Variants in RASIP1 observed in about 807,000 individuals in gnomAD.
RASIP1 encodes Ras interacting protein 1.
A neutral mutation model predicts 85.3 loss-of-function variants in RASIP1; 20 were observed. The ratio of observed to expected loss-of-function variants is 0.23; its 90% CI spans 0.17 to 0.34. The LOEUF (loss-of-function observed/expected upper bound fraction) is 0.34, where lower values mean the gene tolerates loss of function less well. Ranked by LOEUF, RASIP1 falls within the 10% of genes least tolerant of loss-of-function variation. RASIP1 has a pLI of 1.00. For missense variants in RASIP1, 1,170 were observed against 1,390.9 expected, an observed-to-expected ratio of 0.84 and a Z score of 2.53; for synonymous variants, 617 against 647.1, an observed-to-expected ratio of 0.95 and a Z score of 0.71.
chr19:48,734,716 A>G (rs886863956), intron 4 of RASIP1, among the ~76,000 whole-genome samples: 10 of 151,966 alleles, frequency 6.6e-5, no homozygotes, highest in Non-Finnish European at 1.3e-4. Flanking sequence ...TGAACTCCCA[A>G]CCTCAGGTGA....
intron 3 of RASIP1, among the ~76,000 whole-genome samples, chr19:48,737,193 C>T (rs1467090110): frequency 6.6e-6 from 1 of 152,162 alleles, no homozygotes; most frequent in Non-Finnish European, 1.5e-5. Context: ...GTGCTAGGCC[C>T]TTTATATACA....
At chr19:48,737,718 A>G (rs2033598475) in intron 3 of RASIP1, 1 of 984,918 alleles carries the variant, frequency 1.0e-6, no homozygotes, top group East Asian at 1.1e-4. Context: ...GCTGCCTCCT[A>G]CCACAGAGAC....
chr19:48,730,186 A>G (rs1290412496), intron 4 of RASIP1, among the ~76,000 whole-genome samples: 1 of 146,012 alleles, frequency 6.8e-6, no homozygotes, highest in Non-Finnish European at 1.5e-5. Context: ...TTTTTCTTTG[A>G]GACAGAGTCA....
At chr19:48,721,280 T>C (rs1452905689) in intron 11 of RASIP1, among the ~76,000 whole-genome samples, 1 of 151,320 alleles carries the variant, frequency 6.6e-6, no homozygotes, top group Non-Finnish European at 1.5e-5. Context: ...AGGAGTCAAG[T>C]TCAGGGGAGT....
chr19:48,732,209 G>A (rs2033471612), intron 4 of RASIP1, among the ~76,000 whole-genome samples: 1 of 151,022 alleles, frequency 6.6e-6, no homozygotes, highest in Middle Eastern at 3.2e-3. Flanking sequence ...CAAGTAGCTA[G>A]AATGACAGGC....
rs543075932 is a variant in RASIP1, at chr19:48,733,533, C to T, written c.1179+1663G>A. Among the ~76,000 whole-genome samples the T allele has an allele frequency of 2.0e-4, 30 of 151,998 alleles. 1 individual carries two copies. The highest frequency in any genetic ancestry group is 3.5e-4 in the Non-Finnish European group (24 of 67,994). On this transcript the variant is annotated intron_variant, in intron 4 of 11. Transcript: ENST00000222145. ...AAAATGGGTCAGTGCTGGCCGGGAG[C>T]GGTGGCTCACGCCTGTAATCCCAGC...
intron 3 of RASIP1, chr19:48,737,879 CT>C: frequency 1.0e-6 from 1 of 985,128 alleles, no homozygotes; most frequent in Admixed American, 6.2e-5. Flanking sequence ...ATTGTCCGTG[CT>C]TACTCTTCCG....
Position 48,729,366 on chromosome 19 carries a change from C to T in RASIP1, c.1404G>A (p.Glu468=). ...VTHNGCLLLR[E]AELHPGDLLG... is the part of the protein sequence containing the mutation. ...GGAGGTCGCCCGGGTGCAGCTCAGCCTCCCGCAGCAGGAGGCACCCGTTGT... is the reference window on the plus strand; with the variant it reads ...GGAGGTCGCCCGGGTGCAGCTCAGCTTCCCGCAGCAGGAGGCACCCGTTGT... The change falls in exon 5 of 12, where the codon GAG becomes GAA. Residue 468 remains glutamate, a synonymous_variant. Transcript: ENST00000222145. The T allele has an allele frequency of 6.4e-7, 1 of 1,558,184 alleles. No individual in the cohort carries two copies. The highest frequency in any genetic ancestry group is 8.7e-7 in the Non-Finnish European group (1 of 1,151,524).
rs543403071 is a variant in RASIP1 at position 48,735,470 on chromosome 19, G to A, written c.905C>T (p.Pro302Leu). ...AGCTGGGGCCCCTGATCCGGTCCCCGGGCCAGGACTGGCCAGCGCTGCCCC... is the reference window on the plus strand; with the variant it reads ...AGCTGGGGCCCCTGATCCGGTCCCCAGGCCAGGACTGGCCAGCGCTGCCCC... ...SGGAALASPGPGTGSGAPAGS... is the reference protein window; with the variant it reads ...SGGAALASPGLGTGSGAPAGS... The change falls in exon 4 of 12, where the codon CCG becomes CTG. Residue 302 changes from proline (P) to leucine (L), a missense_variant. Coordinates refer to ENST00000222145, the MANE Select transcript of RASIP1 (RefSeq NM_017805.3). 18 of 1,580,342 alleles carry A rather than the reference G, an allele frequency of 1.1e-5. No individual in the cohort carries two copies. Among genetic ancestry groups the A allele is most frequent in the Middle Eastern group, 1.8e-4 (1 of 5,522 alleles).
Position 48,740,317 on chromosome 19 carries a change from T to G in RASIP1, c.-4-31A>C. On this transcript the variant is annotated intron_variant, in intron 1 of 11. Transcript: ENST00000222145. The surrounding 1 kb of genome is among the most constrained non-coding windows in gnomAD (Gnocchi z 5.5). The stretch of plus-strand genomic sequence containing the variant: ...GGAAGGCGGGTAAGGCCCCAACTCC[T>G]AAGGCATTCTTGTGGGGATGGGGTG... 6.5e-7 allele frequency: 1 copy of G among 1,548,328 alleles called. No individual in the cohort carries two copies. Among genetic ancestry groups the G allele is most frequent in the Non-Finnish European group, 8.7e-7 (1 of 1,151,268 alleles).
chr19:48,731,036 A>G (rs2033448453), intron 4 of RASIP1, among the ~76,000 whole-genome samples: 1 of 152,114 alleles, frequency 6.6e-6, no homozygotes. Flanking sequence ...GGCGCAGTGG[A>G]GACCAAGGCC....
chr19:48,726,646 A>T (rs1049406354), intron 8 of RASIP1, 139 bp downstream of exon 8: 4 of 703,336 alleles, frequency 5.7e-6, no homozygotes, highest in Admixed American at 6.7e-5. Flanking sequence ...GAAAAGCAGA[A>T]AATCTTGAGT....
chr19:48,725,287 A>T (rs2033323259), intron 8 of RASIP1: 1 of 237,138 alleles, frequency 4.2e-6, no homozygotes, highest in East Asian at 1.0e-4. Flanking sequence ...AAAGGAAAGA[A>T]AAAGAATGGA....
chr19:48,730,396 T>C (rs768565001), intron 4 of RASIP1, among the ~76,000 whole-genome samples: 16 of 151,838 alleles, frequency 1.1e-4, no homozygotes, highest in Non-Finnish European at 2.1e-4. Flanking sequence ...TCTCTTGACC[T>C]TGTGATCCGC....
rs930148386 is a variant in RASIP1, at chr19:48,727,561, C to T, written c.1834-131G>A. On this transcript the variant is annotated intron_variant, in intron 5 of 11. Transcript: ENST00000222145. ...TACTTTTCTTAGAGATGGGGTCTTA[C>T]TATGTTGCCACCGGTGGTCTCCAAC... is the stretch of plus-strand genomic sequence containing the variant. The T allele has an allele frequency of 2.7e-5, 26 of 962,156 alleles. No homozygotes were observed. The Admixed American group carries it at 5.9e-4, about 22-fold the overall frequency. 59.6% of individuals were successfully genotyped at this position (962,156 alleles called of 1,614,324 possible).
rs1451917628 is a variant in RASIP1 at position 48,720,687 on chromosome 19, T to G, written c.*111A>C. On this transcript the variant is annotated 3_prime_UTR_variant, in exon 12 of 12. Coordinates refer to ENST00000222145, the MANE Select transcript of RASIP1 (RefSeq NM_017805.3). ...TTCCCGAAAACTCAATCTCCCAACATTCCACGCGGGATAAGAACTACAACT... is the reference window on the plus strand; with the variant it reads ...TTCCCGAAAACTCAATCTCCCAACAGTCCACGCGGGATAAGAACTACAACT... 1.6e-5 allele frequency: 20 copies of G among 1,245,564 alleles called. No homozygotes were observed. The South Asian group carries it at 1.8e-4, about 12-fold the overall frequency. 77.2% of individuals were successfully genotyped at this position (1,245,564 alleles called of 1,614,324 possible).
Position 48,727,124 on chromosome 19 carries a change from G to T in RASIP1, c.1906C>A (p.Pro636Thr). The change falls in exon 7 of 12, where the codon CCT becomes ACT. Residue 636 changes from proline to threonine, a missense_variant. Physicochemically the swap from Pro to Thr is conservative, Grantham distance 38. Coordinates refer to ENST00000222145, the MANE Select transcript of RASIP1 (RefSeq NM_017805.3). ...PEGVPEVPLT[P>T]EAVSVELRPL... ...CGCAGCTCCACAGACACAGCTTCAG[G>T]AGTCAGGGGCACCTCGGGGACCCCC... The T allele has an allele frequency of 6.2e-7, 1 of 1,614,152 alleles. No homozygotes were observed. Among genetic ancestry groups the T allele is most frequent in the South Asian group, 1.1e-5 (1 of 91,084 alleles).
Position 48,738,041 on chromosome 19 carries a change from T to A in RASIP1, c.823+919A>T. 2.9e-6 allele frequency: 2 copies of A among 692,132 alleles called. No individual in the cohort carries two copies. The highest frequency in any genetic ancestry group is 3.6e-6 in the Non-Finnish European group (2 of 562,382). 42.9% of individuals were successfully genotyped at this position (692,132 alleles called of 1,614,324 possible). A position where few individuals can be genotyped will look rare whatever the true frequency, so the allele number is the denominator to read the frequency against. The stretch of plus-strand genomic sequence containing the variant: ...CTCACTGCAGCCTCTGCCTCCTGGG[T>A]TCAAATTATTCTCATGTCTCGGCCT... On this transcript the variant is annotated intron_variant, in intron 3 of 11. Transcript: ENST00000222145. This position sits in a 1 kb window ranked among gnomAD's most constrained non-coding sequence, Gnocchi z 4.0.
rs932161043 is a variant in RASIP1 at position 48,724,502 on chromosome 19, G to T, written c.2379C>A (p.Gly793=). The T allele has an allele frequency of 3.1e-6, 5 of 1,613,798 alleles. No individual in the cohort carries two copies. Among genetic ancestry groups the T allele is most frequent in the Middle Eastern group, 1.6e-4 (1 of 6,084 alleles). ...CTCGGGACCATTGATAGAAAGGCCG[G>T]CCTTGACCTGTGGGTGTTAAAGGTA... is the stretch of plus-strand genomic sequence containing the variant. ...LLNSLMERGQ[G]RPFYQWSRAV... Residue 793 remains glycine (G), a synonymous_variant, in exon 10 of 12, where the codon GGC becomes GGA. Coordinates refer to ENST00000222145, the MANE Select transcript of RASIP1 (RefSeq NM_017805.3). The surrounding 1 kb of genome is among the most constrained non-coding windows in gnomAD (Gnocchi z 4.6).
Sources: gnomAD v4.1 joint callset for allele counts (sites outside exome capture counted in the v4.1 genomes callset) on GRCh38, gnomAD v4.1.1 for gene constraint, Gnocchi (gnomAD v3.1) non-coding constraint, MANE v1.5 for transcripts, NCBI Gene and HGNC (gene_info 2026-07-23, HGNC 2026-07-21) for gene names.